Variants in DPYD observed in about 807,000 individuals in gnomAD.
The protein encoded by DPYD is dihydropyrimidine dehydrogenase [NADP(+)].
In DPYD, 109 loss-of-function variants were observed where a neutral mutation model predicts 116.2. The ratio of observed to expected loss-of-function variants is 0.94; its 90% confidence interval spans 0.80 to 1.10. The LOEUF is 1.10. Among genes scored for constraint, DPYD ranks in the 50% least tolerant of loss-of-function variants. DPYD has a pLI of 0.00. For missense variants in DPYD, 1,302 were observed against 1,254.5 expected, an observed-to-expected ratio of 1.04 and a Z score of -0.57; for synonymous variants, 440 against 432.0, an observed-to-expected ratio of 1.02 and a Z score of -0.23.
At chr1:97,796,683 G>C (rs1231753681) in intron 3 of DPYD, among the ~76,000 whole-genome samples, 1 of 152,076 alleles carries the variant, frequency 6.6e-6, no homozygotes, top group Non-Finnish European at 1.5e-5. Flanking sequence ...ACAGAGAAGA[G>C]AGAACAAACA....
At chr1:97,581,829 C>G (rs1653701121) in intron 10 of DPYD, among the ~76,000 whole-genome samples, 2 of 150,308 alleles carry the variant, frequency 1.3e-5, no homozygotes. Flanking sequence ...AGGAATTAAT[C>G]ACTGGAAAGG....
At chr1:97,667,898 C>T (rs1189633853) in intron 8 of DPYD, among the ~76,000 whole-genome samples, 2 of 152,018 alleles carry the variant, frequency 1.3e-5, no homozygotes, top group African/African-American at 4.8e-5. Flanking sequence ...AAAATTGTGA[C>T]ACATGCTACA....
At chr1:97,414,995 A>G (rs1674213721) in intron 14 of DPYD, among the ~76,000 whole-genome samples, 1 of 152,206 alleles carries the variant, frequency 6.6e-6, no homozygotes, top group South Asian at 2.1e-4. Context: ...TATTTTCTTT[A>G]TCAAATGAGT....
chr1:97,875,511 A>G (rs1671869097), intron 2 of DPYD, among the ~76,000 whole-genome samples: 1 of 152,054 alleles, frequency 6.6e-6, no homozygotes, highest in Non-Finnish European at 1.5e-5. Context: ...TTGCATAAGC[A>G]GCCAGTTATT....
chr1:97,205,720 C>A (rs1053299057), intron 19 of DPYD, among the ~76,000 whole-genome samples: 3 of 152,046 alleles, frequency 2.0e-5, no homozygotes, highest in Non-Finnish European at 4.4e-5. Flanking sequence ...ATGTTGCATC[C>A]AGTTGCTCTG....
intron 13 of DPYD, among the ~76,000 whole-genome samples, chr1:97,507,573 T>C (rs1051365986): frequency 6.6e-6 from 1 of 151,972 alleles, no homozygotes; most frequent in African/African-American, 2.4e-5. Context: ...CAAAATGAGT[T>C]TCAAAAATAA....
At chr1:97,314,158 G>A (rs563556964) in intron 16 of DPYD, among the ~76,000 whole-genome samples, 3 of 151,988 alleles carry the variant, frequency 2.0e-5, no homozygotes, top group South Asian at 2.1e-4. Context: ...AGAAGTCCAC[G>A]AGAACCCACC....
chr1:97,175,398 G>A (rs1282704612), intron 20 of DPYD, among the ~76,000 whole-genome samples: 1 of 152,188 alleles, frequency 6.6e-6, no homozygotes, highest in Non-Finnish European at 1.5e-5. Context: ...TTATGGTGAT[G>A]TGCAAGGTCA....
At chr1:97,586,877 T>C (rs1654163326) in intron 10 of DPYD, among the ~76,000 whole-genome samples, 1 of 152,128 alleles carries the variant, frequency 6.6e-6, no homozygotes, top group African/African-American at 2.4e-5. Context: ...TTATACACAT[T>C]TCTAAAATTT....
intron 18 of DPYD, among the ~76,000 whole-genome samples, chr1:97,302,548 G>A (rs1666926020): frequency 6.6e-6 from 1 of 151,898 alleles, no homozygotes; most frequent in Non-Finnish European, 1.5e-5. Context: ...CTTGGAGTGA[G>A]GTCCTAATTT....
At chr1:97,563,903 T>TA (rs1358823964) in intron 11 of DPYD, among the ~76,000 whole-genome samples, 2 of 152,134 alleles carry the variant, frequency 1.3e-5, no homozygotes, top group South Asian at 2.1e-4. Context: ...TGCCAGTACT[T>TA]ACACTAGATT....
At chr1:97,555,912 T>G (rs1465484593) in intron 11 of DPYD, among the ~76,000 whole-genome samples, 1 of 152,168 alleles carries the variant, frequency 6.6e-6, no homozygotes, top group Non-Finnish European at 1.5e-5. Context: ...GGTACATACA[T>G]GTACAGTAGT....
chr1:97,898,581 A>G (rs1407129018), intron 1 of DPYD, among the ~76,000 whole-genome samples: 1 of 151,690 alleles, frequency 6.6e-6, no homozygotes, highest in African/African-American at 2.4e-5. Flanking sequence ...TTTCTTTTTT[A>G]TTGTTTCAGG....
chr1:97,486,721 TA>T (rs1330905727), intron 13 of DPYD, among the ~76,000 whole-genome samples: 1 of 152,162 alleles, frequency 6.6e-6, no homozygotes, highest in African/African-American at 2.4e-5. Flanking sequence ...GGCATTGGGA[TA>T]TTTTCATTAA....
chr1:97,628,561 T>C (rs948302894), intron 8 of DPYD, among the ~76,000 whole-genome samples: 1 of 152,090 alleles, frequency 6.6e-6, no homozygotes, highest in East Asian at 1.9e-4. Context: ...TAACAGTTGA[T>C]TATAGAAAAT....
At chr1:97,273,843 T>C (rs1328196928) in intron 18 of DPYD, among the ~76,000 whole-genome samples, 4 of 152,154 alleles carry the variant, frequency 2.6e-5, no homozygotes, top group Non-Finnish European at 5.9e-5. Flanking sequence ...TGTACAATTC[T>C]GAAACAAAAT....
At chr1:97,731,637 A>G (rs1340965345) in intron 4 of DPYD, among the ~76,000 whole-genome samples, 1 of 152,010 alleles carries the variant, frequency 6.6e-6, no homozygotes, top group African/African-American at 2.4e-5. Flanking sequence ...ATTCAATTAT[A>G]CTATCAAGCA....
At chr1:97,691,880 C>T (rs1661027579) in intron 6 of DPYD, 82 bp from the exon 7 acceptor site, 1 of 1,062,632 alleles carries the variant, frequency 9.4e-7, no homozygotes, top group African/African-American at 1.6e-5. Context: ...GGTAACATGT[C>T]TTTATGGATT....
intron 14 of DPYD, among the ~76,000 whole-genome samples, chr1:97,443,286 T>C (rs1273727439): frequency 6.6e-6 from 1 of 152,212 alleles, no homozygotes; most frequent in Non-Finnish European, 1.5e-5. Context: ...CAAAATAATG[T>C]CACTAGATAA....
Sources: allele counts gnomAD v4.1 joint callset (sites outside exome capture counted in the v4.1 genomes callset), GRCh38; gene constraint gnomAD v4.1.1; transcripts MANE v1.5; gene names NCBI Gene and HGNC (gene_info 2026-07-23, HGNC 2026-07-21).